SLC24A2: variants seen among roughly 807,000 people sequenced by gnomAD.
SLC24A2 encodes the protein solute carrier family 24 member 2, also known as sodium/potassium/calcium exchanger 2.
Under a neutral mutation model 62.0 loss-of-function variants are expected in SLC24A2, and 36 were observed. That is an observed-to-expected ratio of 0.58 (90% confidence interval 0.44 to 0.77). The LOEUF (loss-of-function observed/expected upper bound fraction) is 0.77, where lower values mean the gene tolerates loss of function less well. Ranked by LOEUF, SLC24A2 falls within the 30% of genes least tolerant of loss-of-function variation. The pLI, the probability that SLC24A2 is intolerant of heterozygous loss-of-function variation, is 0.00. For missense variants in SLC24A2, 846 were observed against 817.9 expected, an observed-to-expected ratio of 1.03 and a Z score of -0.42; for synonymous variants, 358 against 294.0, an observed-to-expected ratio of 1.22 and a Z score of -2.23.
chr9:19,873,862 C>T, the SLC24A2 span, among the ~76,000 whole-genome samples: 38 of 152,162 alleles, frequency 2.5e-4, no homozygotes, highest in Admixed American at 6.5e-4. Flanking sequence ...CAAATCATCA[C>T]GTCTCAATAG....
chr9:19,678,679 A>AT (rs1819626756), intron 2 of SLC24A2, among the ~76,000 whole-genome samples: 1 of 152,204 alleles, frequency 6.6e-6, no homozygotes, highest in Admixed American at 6.5e-5. Flanking sequence ...ACTAACAGAA[A>AT]TTAGGTGAAT....
intron 7 of SLC24A2, among the ~76,000 whole-genome samples, chr9:19,560,531 T>A (rs566980242): frequency 3.2e-4 from 48 of 152,294 alleles, no homozygotes; most frequent in South Asian, 1.5e-3. Flanking sequence ...GAAGACATAA[T>A]GAGACAGCAG....
intron 2 of SLC24A2, among the ~76,000 whole-genome samples, chr9:19,678,935 T>C (rs562545112): frequency 1.7e-4 from 26 of 152,360 alleles, no homozygotes; most frequent in South Asian, 1.0e-3. Context: ...CAGTCTGTGC[T>C]GTCACAAAAG....
the SLC24A2 span, among the ~76,000 whole-genome samples, chr9:20,305,689 C>G: frequency 6.6e-5 from 10 of 152,206 alleles, no homozygotes; most frequent in Non-Finnish European, 1.3e-4. Context: ...AAGTCAATAG[C>G]ATTATCCCAG....
chr9:19,763,420 T>G (rs1822408428), intron 2 of SLC24A2, among the ~76,000 whole-genome samples: 1 of 152,242 alleles, frequency 6.6e-6, no homozygotes, highest in South Asian at 2.1e-4. Context: ...TGCTTCCAGC[T>G]TTTGTCCATT....
At chr9:20,270,591 C>G in the SLC24A2 span, among the ~76,000 whole-genome samples, 1 of 152,144 alleles carries the variant, frequency 6.6e-6, no homozygotes, top group Non-Finnish European at 1.5e-5. Flanking sequence ...AAATAAAGTG[C>G]TTTCCCTAAG....
At chr9:19,948,461 A>G in the SLC24A2 span, among the ~76,000 whole-genome samples, 3 of 152,240 alleles carry the variant, frequency 2.0e-5, no homozygotes, top group African/African-American at 7.2e-5. Flanking sequence ...AGAAAAACGA[A>G]AATTTTAAGT....
chr9:19,870,893 T>C, the SLC24A2 span, among the ~76,000 whole-genome samples: 1 of 152,176 alleles, frequency 6.6e-6, no homozygotes, highest in Non-Finnish European at 1.5e-5. Flanking sequence ...GTTATTTATG[T>C]ATTCTGGATA....
chr9:19,972,015 G>A, the SLC24A2 span, among the ~76,000 whole-genome samples: 1 of 152,100 alleles, frequency 6.6e-6, no homozygotes, highest in African/African-American at 2.4e-5. Flanking sequence ...CCACAAATCT[G>A]GCTCAAGAAC....
At chr9:19,810,580 A>T in the SLC24A2 span, among the ~76,000 whole-genome samples, 2 of 152,242 alleles carry the variant, frequency 1.3e-5, no homozygotes, top group South Asian at 2.1e-4. Flanking sequence ...AAGAGGGTAC[A>T]TCTATGTGTT....
At chr9:20,089,488 C>T in the SLC24A2 span, among the ~76,000 whole-genome samples, 3 of 152,216 alleles carry the variant, frequency 2.0e-5, no homozygotes, top group East Asian at 5.8e-4. Context: ...ACTACCCAGG[C>T]ACCTCCAGCA....
chr9:19,933,341 CAAGTT>C, the SLC24A2 span, among the ~76,000 whole-genome samples: 9 of 152,196 alleles, frequency 5.9e-5, no homozygotes, highest in Admixed American at 5.9e-4. Flanking sequence ...CCTTAGATCA[CAAGTT>C]AAGAACTTCT....
At chr9:19,798,341 C>T in the SLC24A2 span, among the ~76,000 whole-genome samples, 1 of 152,054 alleles carries the variant, frequency 6.6e-6, no homozygotes, top group Non-Finnish European at 1.5e-5. Context: ...ATTCCTTTCC[C>T]AACTTTATAG....
chr9:19,576,619 C>A (rs988679938), intron 6 of SLC24A2, among the ~76,000 whole-genome samples: 2 of 152,170 alleles, frequency 1.3e-5, no homozygotes, highest in African/African-American at 4.8e-5. Context: ...ATGTGGAATC[C>A]CTGAAATACA....
intron 2 of SLC24A2, among the ~76,000 whole-genome samples, chr9:19,696,876 A>G (rs1820208344): frequency 6.6e-6 from 1 of 152,164 alleles, no homozygotes; most frequent in African/African-American, 2.4e-5. Context: ...TAATGGCATC[A>G]TTTTAGAATT....
the SLC24A2 span, among the ~76,000 whole-genome samples, chr9:19,981,977 A>T: frequency 9.9e-5 from 15 of 152,264 alleles, no homozygotes; most frequent in East Asian, 2.7e-3. Context: ...GGAGAACAGA[A>T]GGAGTAAGCG....
intron 2 of SLC24A2, among the ~76,000 whole-genome samples, chr9:19,741,768 A>T (rs1330824024): frequency 6.6e-6 from 1 of 152,190 alleles, no homozygotes; most frequent in East Asian, 1.9e-4. Context: ...CTGTGTGATG[A>T]CATACAATTT....
the SLC24A2 span, among the ~76,000 whole-genome samples, chr9:19,876,280 A>G: frequency 6.6e-6 from 1 of 152,184 alleles, no homozygotes; most frequent in Non-Finnish European, 1.5e-5. Context: ...GATATACAAC[A>G]GTATCCCATG....
At chr9:19,975,540 T>C in the SLC24A2 span, among the ~76,000 whole-genome samples, 3 of 152,202 alleles carry the variant, frequency 2.0e-5, no homozygotes, top group South Asian at 2.1e-4. Context: ...TATTTCCTCA[T>C]CTGCAAAAGG....
Sources: gnomAD v4.1 joint callset for allele counts (sites outside exome capture counted in the v4.1 genomes callset) on GRCh38, gnomAD v4.1.1 for gene constraint, MANE v1.5 for transcripts, NCBI Gene and HGNC (gene_info 2026-07-23, HGNC 2026-07-21) for gene names.